The following DCC variants were observed in gnomAD, a reference collection of about 807,000 sequenced individuals.
The protein encoded by DCC is netrin receptor DCC.
A neutral mutation model predicts 172.5 loss-of-function variants in DCC; 58 were observed. The ratio of observed to expected loss-of-function variants is 0.34; its 90% CI spans 0.27 to 0.42. The LOEUF (loss-of-function observed/expected upper bound fraction) is 0.42. DCC is among the 10% of genes least tolerant of loss of function. The pLI is 1.00. For missense variants in DCC, 1,740 were observed against 1,791.0 expected (o/e 0.97, Z 0.51); for synonymous variants, 709 against 644.5 (o/e 1.10, Z -1.52).
intron 5 of DCC, among the ~76,000 whole-genome samples, chr18:52,946,323 G>GT (rs1243000219): frequency 6.6e-6 from 1 of 152,188 alleles, no homozygotes; most frequent in African/African-American, 2.4e-5. Flanking sequence ...ATAAACATTT[G>GT]TTGATAAGTG....
chr18:53,283,859 GC>G (rs2056902610), intron 12 of DCC, among the ~76,000 whole-genome samples: 1 of 151,966 alleles, frequency 6.6e-6, no homozygotes. Context: ...AACTTACCTT[GC>G]TTCATAAAAG....
chr18:52,938,323 A>G (rs1204045144), intron 5 of DCC, among the ~76,000 whole-genome samples: 6 of 152,182 alleles, frequency 3.9e-5, no homozygotes, highest in Non-Finnish European at 8.8e-5. Context: ...ATCATGAACC[A>G]AACTGTGGAA....
intron 1 of DCC, among the ~76,000 whole-genome samples, chr18:52,602,203 G>T (rs754089355): frequency 2.5e-4 from 38 of 152,054 alleles, no homozygotes; most frequent in African/African-American, 6.3e-4. Flanking sequence ...TTTCCTGAAA[G>T]TCTCTTTGGT....
At position 52,906,295 on chromosome 18, in the gene DCC, A is replaced by G. The variant is rs766421516; in HGVS notation, c.664A>G (p.Thr222Ala). The G allele has an allele frequency of 6.2e-7, 1 of 1,614,012 alleles. No homozygotes were observed. The highest frequency in any genetic ancestry group is 8.5e-7 in the Non-Finnish European group (1 of 1,180,014). ...CSARNPASSR[T>A]GNEAEVRILS... Reference sequence around the variant, plus strand: ...AGCTCGAAATCCAGCCAGCTCAAGAACAGGAAATGAAGCAGAAGTCAGAAT... The same window carrying G: ...AGCTCGAAATCCAGCCAGCTCAAGAGCAGGAAATGAAGCAGAAGTCAGAAT... Residue 222 changes from threonine to alanine, a missense_variant, in exon 3 of 29, where the codon ACA becomes GCA. By Grantham distance (58) the Thr-to-Ala change is moderately conservative (BLOSUM62 0). Around this residue, in one of 2 missense-constraint regions of DCC, gnomAD observed 1,732 missense variants for 1,767.4 expected, o/e 0.98. Coordinates refer to ENST00000442544, the MANE Select transcript of DCC (RefSeq NM_005215.4).
intron 1 of DCC, among the ~76,000 whole-genome samples, chr18:52,746,321 A>G (rs2036904968): frequency 6.6e-6 from 1 of 152,208 alleles, no homozygotes; most frequent in Non-Finnish European, 1.5e-5. Flanking sequence ...TGATACAATT[A>G]TGCATAGCAA....
At chr18:52,931,446 A>T (rs1019405956) in intron 5 of DCC, among the ~76,000 whole-genome samples, 10 of 152,108 alleles carry the variant, frequency 6.6e-5, no homozygotes, top group African/African-American at 2.2e-4. Context: ...TTGCCTTTCA[A>T]CTTGCAGTCC....
intron 12 of DCC, among the ~76,000 whole-genome samples, chr18:53,236,366 A>T (rs2144626975): frequency 6.6e-6 from 1 of 152,180 alleles, no homozygotes; most frequent in African/African-American, 2.4e-5. Flanking sequence ...CCATTTGAAG[A>T]TTCTTTTTTG....
intron 5 of DCC, among the ~76,000 whole-genome samples, chr18:53,029,016 A>G (rs906947119): frequency 6.6e-6 from 1 of 152,160 alleles, no homozygotes; most frequent in African/African-American, 2.4e-5. Flanking sequence ...CTAATTCACA[A>G]AGAGGTGAAC....
chr18:53,146,415 C>T (rs1042903224), intron 7 of DCC, among the ~76,000 whole-genome samples: 1 of 152,124 alleles, frequency 6.6e-6, no homozygotes, highest in Non-Finnish European at 1.5e-5. Flanking sequence ...AGTTGGTGTC[C>T]TCACATGGTA....
chr18:52,907,307 C>CATATGGATATATACATATAT (rs1555680326), intron 3 of DCC, among the ~76,000 whole-genome samples: 2 of 101,516 alleles, frequency 2.0e-5, no homozygotes, highest in Non-Finnish European at 4.0e-5. Context: ...TGGATATATA[C>CATATGGATATATACATATAT]ATATGTATAT....
intron 1 of DCC, among the ~76,000 whole-genome samples, chr18:52,477,724 G>C (rs534413303): frequency 6.6e-6 from 1 of 152,260 alleles, no homozygotes; most frequent in Admixed American, 6.5e-5. Flanking sequence ...GTTCTATTGA[G>C]CAATTCCTAA....
At chr18:53,518,692 G>A (rs1208006452) in intron 27 of DCC, among the ~76,000 whole-genome samples, 3 of 152,050 alleles carry the variant, frequency 2.0e-5, no homozygotes, top group Non-Finnish European at 4.4e-5. Context: ...TTAATTAGTT[G>A]TATATCAGTG....
At chr18:52,515,172 C>G (rs2031584267) in intron 1 of DCC, among the ~76,000 whole-genome samples, 1 of 152,062 alleles carries the variant, frequency 6.6e-6, no homozygotes, top group South Asian at 2.1e-4. Flanking sequence ...TTGACAAAGG[C>G]TCAAAGCCAA....
intron 1 of DCC, among the ~76,000 whole-genome samples, chr18:52,688,495 A>G (rs1158979074): frequency 6.6e-6 from 1 of 152,094 alleles, no homozygotes; most frequent in Non-Finnish European, 1.5e-5. Flanking sequence ...AAAGAAGGAA[A>G]TGGGGAGATG....
At chr18:52,674,595 A>G (rs1001473253) in intron 1 of DCC, among the ~76,000 whole-genome samples, 4 of 152,222 alleles carry the variant, frequency 2.6e-5, no homozygotes, top group Non-Finnish European at 5.9e-5. Flanking sequence ...TCACAAGCAC[A>G]ACATATGGAG....
chr18:52,776,135 G>T (rs1378097041), intron 2 of DCC, among the ~76,000 whole-genome samples: 2 of 152,080 alleles, frequency 1.3e-5, no homozygotes, highest in Admixed American at 6.5e-5. Flanking sequence ...CAAAATTTTT[G>T]CAACACAACA....
chr18:53,527,090 C>CGTGTGTGTGTGTGT (rs200516080), intron 28 of DCC: 67 of 204,798 alleles, frequency 3.3e-4, no homozygotes, highest in African/African-American at 1.6e-3. Context: ...CACATGGATA[C>CGTGTGTGTGTGTGT]GTGTGTGTGT....
intron 1 of DCC, among the ~76,000 whole-genome samples, chr18:52,572,694 G>A (rs2033327382): frequency 6.6e-6 from 1 of 152,190 alleles, no homozygotes; most frequent in Non-Finnish European, 1.5e-5. Context: ...GGGATCCAGA[G>A]CATGGGCAGA....
Position 53,459,295 on chromosome 18 carries a change from T to A in DCC, c.3456T>A (p.Asp1152Glu), listed in dbSNP as rs1412756218. 4.3e-6 allele frequency: 7 copies of A among 1,613,986 alleles called. No individual in the cohort carries two copies. Among genetic ancestry groups the A allele is most frequent in the Admixed American group, 3.3e-5 (2 of 59,982 alleles). Residue 1152 changes from aspartate to glutamate, a missense_variant, in exon 24 of 29, where the codon GAT becomes GAA. Physicochemically the swap from Asp to Glu is conservative, Grantham distance 45. This residue lies in a region of DCC where 1,732 missense variants were observed against 1,767.4 expected (regional missense o/e 0.98). Transcript: ENST00000442544. Reference protein sequence around the residue: ...KGSQKDLRPPDLWIHHEEMEM... With the variant: ...KGSQKDLRPPELWIHHEEMEM... Reference sequence around the variant, plus strand: ...GCCAGAAGGACCTCCGACCCCCTGATCTTTGGATCCATCATGAAGAAATGG... The same window carrying A: ...GCCAGAAGGACCTCCGACCCCCTGAACTTTGGATCCATCATGAAGAAATGG...
Sources: allele counts gnomAD v4.1 joint callset (sites outside exome capture counted in the v4.1 genomes callset), GRCh38; gene constraint gnomAD v4.1.1; regional missense constraint gnomAD v4.1.1; transcripts MANE v1.5; gene names NCBI Gene and HGNC (gene_info 2026-07-23, HGNC 2026-07-21).